Variants in PARP14 observed in about 807,000 individuals in gnomAD.
The protein encoded by PARP14 is protein mono-ADP-ribosyltransferase PARP14.
In PARP14, 59 loss-of-function variants were observed where a neutral mutation model predicts 154.2. The ratio of observed to expected loss-of-function variants is 0.38; its 90% confidence interval spans 0.31 to 0.48. PARP14 has a LOEUF of 0.48. Ranked by LOEUF, PARP14 falls within the 20% of genes least tolerant of loss-of-function variation. The pLI, the probability that PARP14 is intolerant of heterozygous loss-of-function variation, is 0.98. For missense variants in PARP14, 1,734 were observed against 2,131.6 expected, an observed-to-expected ratio of 0.81 and a Z score of 3.67; for synonymous variants, 720 against 780.5, an observed-to-expected ratio of 0.92 and a Z score of 1.29.
Position 122,718,938 on chromosome 3 carries a change from A to C in PARP14, c.4787A>C (p.Gln1596Pro). Reference protein sequence around the residue: ...TDTKGHSLSVQRLTKSKVDIP... With the variant: ...TDTKGHSLSVPRLTKSKVDIP... ...ACAAAGGGCCACAGTTTATCTGTTC[A>C]GCGCCTCACGAAATCCAAAGGTGAG... The change falls in exon 14 of 17, where the codon CAG becomes CCG. Residue 1596 changes from glutamine (Q) to proline (P), a missense_variant. By Grantham distance (76) the Gln-to-Pro change is moderately conservative. Coordinates refer to ENST00000474629, the MANE Select transcript of PARP14 (RefSeq NM_017554.3). 6.3e-7 allele frequency: 1 copy of C among 1,585,346 alleles called. No homozygotes were observed. Among genetic ancestry groups the C allele is most frequent in the South Asian group, 1.2e-5 (1 of 86,524 alleles).
intron 15 of PARP14, among the ~76,000 whole-genome samples, chr3:122,723,514 T>C (rs1045198438): frequency 1.3e-5 from 2 of 152,234 alleles, no homozygotes; most frequent in South Asian, 4.1e-4. Flanking sequence ...TCTAGACTTA[T>C]CTGATTCTTG....
chr3:122,692,727 A>T (rs939124476), intron 4 of PARP14, among the ~76,000 whole-genome samples, 184 bp downstream of exon 4: 1 of 152,160 alleles, frequency 6.6e-6, no homozygotes, highest in South Asian at 2.1e-4. Flanking sequence ...ACCAAATTCC[A>T]TATTTTTAGT....
intron 1 of PARP14, 123 bp from the exon 2 acceptor site, chr3:122,685,062 C>A: frequency 1.0e-6 from 1 of 968,942 alleles, no homozygotes; most frequent in Non-Finnish European, 1.5e-6. Context: ...TCACATATAG[C>A]CTCTCTTGAG....
At chr3:122,725,906 C>A (rs1034006267) in intron 15 of PARP14, among the ~76,000 whole-genome samples, 2 of 150,868 alleles carry the variant, frequency 1.3e-5, no homozygotes, top group Non-Finnish European at 3.0e-5. Flanking sequence ...TTCATTTTCA[C>A]CCCTATTATG....
Position 122,700,013 on chromosome 3 carries a change from C to T in PARP14, c.1459C>T (p.Leu487=), listed in dbSNP as rs373900447. Residue 487 remains leucine (L), a synonymous_variant, in exon 6 of 17, where the codon CTG becomes TTG. Transcript: ENST00000474629. ...RYFLLCHSSL[L]DHLLTECPEI... is the part of the protein sequence containing the mutation. Reference sequence around the variant, plus strand: ...TTTTCTTTTGTGTCACAGCAGTCTACTGGACCATTTACTCACGGAGTGCCC... The same window carrying T: ...TTTTCTTTTGTGTCACAGCAGTCTATTGGACCATTTACTCACGGAGTGCCC... 2 of 1,613,808 alleles carry T rather than the reference C, an allele frequency of 1.2e-6. No homozygotes were observed. The highest frequency in any genetic ancestry group is 1.7e-6 in the Non-Finnish European group (2 of 1,179,846).
Position 122,685,233 on chromosome 3 carries a change from G to T in PARP14, c.236G>T (p.Gly79Val). ...ERKNHELVWQ[G>V]KGTFKLTVQL... The stretch of plus-strand genomic sequence containing the variant: ...AAAAATCATGAGTTGGTATGGCAAG[G>T]AAAAGGAACATTCAAGTTAACTGTC... Residue 79 changes from glycine (G) to valine (V), a missense_variant, in exon 2 of 17, where the codon GGA (glycine) becomes GTA (valine). Physicochemically the swap from Gly to Val is moderately radical, Grantham distance 109. Around this residue, in one of 2 missense-constraint regions of PARP14, gnomAD observed 1,646 missense variants for 1,976.0 expected, o/e 0.83. Coordinates refer to ENST00000474629, the MANE Select transcript of PARP14 (RefSeq NM_017554.3). 1 of 1,613,864 alleles carries T rather than the reference G, an allele frequency of 6.2e-7. No homozygotes were observed. The highest frequency in any genetic ancestry group is 1.3e-5 in the African/African-American group (1 of 75,034).
Position 122,708,223 on chromosome 3 carries a change from G to A in PARP14, c.3574G>A (p.Gly1192Arg). The change falls in exon 9 of 17, where the codon GGA becomes AGA. Residue 1192 changes from glycine (G) to arginine (R), a missense_variant. This residue lies in a region of PARP14 where 1,646 missense variants were observed against 1,976.0 expected (regional missense o/e 0.83). Coordinates refer to ENST00000474629, the MANE Select transcript of PARP14 (RefSeq NM_017554.3). Reference protein sequence around the residue: ...FSDEFARRANGNLVSDKIPKA... With the variant: ...FSDEFARRANRNLVSDKIPKA... The stretch of plus-strand genomic sequence containing the variant: ...AGATGAATTTGCCAGAAGGGCTAAT[G>A]GAAATCTCGTCAGTGACAAAATTCC... 2.5e-6 allele frequency: 4 copies of A among 1,575,480 alleles called. No homozygotes were observed. Among genetic ancestry groups the A allele is most frequent in the Non-Finnish European group, 3.5e-6 (4 of 1,158,112 alleles).
chr3:122,696,031 C>T (rs1431216197), intron 5 of PARP14, among the ~76,000 whole-genome samples: 2 of 152,184 alleles, frequency 1.3e-5, no homozygotes, highest in Non-Finnish European at 1.5e-5. Context: ...AAGAAATACT[C>T]AGCAACTCAT....
chr3:122,704,045 T>C, intron 7 of PARP14, 67 bp downstream of exon 7: 1 of 1,019,372 alleles, frequency 9.8e-7, no homozygotes, highest in Non-Finnish European at 1.5e-6. Flanking sequence ...TAGTAGCATA[T>C]TAATTGGACA....
Position 122,708,766 on chromosome 3 carries a change from G to A in PARP14, c.3619+498G>A, listed in dbSNP as rs561931734. Among the ~76,000 whole-genome samples the A allele has an allele frequency of 5.6e-4, 85 of 152,138 alleles. 1 individual carries two copies. In the South Asian group the frequency reaches 0.017, roughly 30 times the overall value. On this transcript the variant is annotated intron_variant, in intron 9 of 16. Transcript: ENST00000474629. ...TCCTTCTGTTTTCCAATACTGTGGTGCTAAGCCTTTTGACAGTGTTCCAAG... is the reference window on the plus strand; with the variant it reads ...TCCTTCTGTTTTCCAATACTGTGGTACTAAGCCTTTTGACAGTGTTCCAAG...
At chr3:122,687,908 AG>A in intron 3 of PARP14, among the ~76,000 whole-genome samples, 1 of 152,236 alleles carries the variant, frequency 6.6e-6, no homozygotes, top group East Asian at 1.9e-4. Flanking sequence ...GAGAACATGT[AG>A]TTTTCTGCAA....
chr3:122,724,789 T>A (rs940174126), intron 15 of PARP14, among the ~76,000 whole-genome samples: 3 of 152,106 alleles, frequency 2.0e-5, no homozygotes, highest in Non-Finnish European at 4.4e-5. Context: ...TAGGCAGAGA[T>A]CCCTGCGGCC....
Position 122,700,166 on chromosome 3 carries a change from G to A in PARP14, c.1612G>A (p.Val538Ile). Residue 538 changes from valine to isoleucine, a missense_variant, in exon 6 of 17, where the codon GTT becomes ATT. Physicochemically the swap from Val to Ile is conservative, Grantham distance 29 (BLOSUM62 3). Coordinates refer to ENST00000474629, the MANE Select transcript of PARP14 (RefSeq NM_017554.3). ...VYTMAQKNIQ[V>I]SPEIFQFLQQ... is the part of the protein sequence containing the mutation. ...CACCATGGCTCAGAAAAACATTCAG[G>A]TTTCTCCTGAGATTTTTCAGTTTTT... is the stretch of plus-strand genomic sequence containing the variant. The A allele has an allele frequency of 2.5e-6, 4 of 1,613,070 alleles. No homozygotes were observed. The highest frequency in any genetic ancestry group is 3.4e-6 in the Non-Finnish European group (4 of 1,179,418).
chr3:122,684,891 C>T (rs1467485249), intron 1 of PARP14, among the ~76,000 whole-genome samples: 11 of 152,290 alleles, frequency 7.2e-5, no homozygotes, highest in Middle Eastern at 3.4e-3. Context: ...ATTTAATACA[C>T]GTGGCACTCA....
In PARP14 at chr3:122,700,315, A is replaced by G. The variant is rs755484574; in HGVS notation, c.1761A>G (p.Glu587=). 1 of 1,613,632 alleles carries G rather than the reference A, an allele frequency of 6.2e-7. No homozygotes were observed. The highest frequency in any genetic ancestry group is 8.5e-7 in the Non-Finnish European group (1 of 1,179,678). Residue 587 remains glutamate (E), a synonymous_variant, in exon 6 of 17, where the codon GAA becomes GAG. Coordinates refer to ENST00000474629, the MANE Select transcript of PARP14 (RefSeq NM_017554.3). The part of the protein sequence containing the change: ...LTSCSSEALL[E]AEKQMLSALN... ...GCTGTTCTTCTGAAGCCCTGTTAGA[A>G]GCAGAAAAGCAAATGCTCAGTGCCT... is the stretch of plus-strand genomic sequence containing the variant.
At chr3:122,727,111 T>C (rs926590600) in intron 15 of PARP14, among the ~76,000 whole-genome samples, 3 of 151,940 alleles carry the variant, frequency 2.0e-5, no homozygotes, top group African/African-American at 7.3e-5. Context: ...ACCTTGTGCA[T>C]TTCCATGAGG....
rs184282594 is a variant in PARP14 at position 122,709,801 on chromosome 3, G to A, written c.3619+1533G>A. ...TTTTCCTGATGATTAATGATGTTGAGCATTTTTTCTTATGTTTGTTGGCTG... is the reference window on the plus strand; with the variant it reads ...TTTTCCTGATGATTAATGATGTTGAACATTTTTTCTTATGTTTGTTGGCTG... On this transcript the variant is annotated intron_variant, in intron 9 of 16. Coordinates refer to ENST00000474629, the MANE Select transcript of PARP14 (RefSeq NM_017554.3). Among the ~76,000 whole-genome samples, 406 of 151,866 alleles carry A rather than the reference G, an allele frequency of 2.7e-3. 3 individuals carry two copies. The highest frequency in any genetic ancestry group is 6.8e-3 in the Middle Eastern group (2 of 294).
intron 3 of PARP14, among the ~76,000 whole-genome samples, chr3:122,691,993 G>C (rs1034826745): frequency 6.6e-6 from 1 of 152,062 alleles, no homozygotes; most frequent in Non-Finnish European, 1.5e-5. Context: ...CATTTCCACA[G>C]AGGTTAATAT....
chr3:122,710,744 T>C (rs1290616013), intron 9 of PARP14, among the ~76,000 whole-genome samples: 2 of 152,034 alleles, frequency 1.3e-5, no homozygotes, highest in African/African-American at 4.8e-5. Context: ...TTTGTAGTTT[T>C]CCTTGTAGAG....
Sources: gnomAD v4.1 joint callset for allele counts (sites outside exome capture counted in the v4.1 genomes callset) on GRCh38, gnomAD v4.1.1 for gene constraint, gnomAD v4.1.1 regional missense constraint, MANE v1.5 for transcripts, NCBI Gene and HGNC (gene_info 2026-07-23, HGNC 2026-07-21) for gene names.